NECAB2: variants seen among roughly 807,000 people sequenced by gnomAD.
NECAB2 encodes the protein N-terminal EF-hand calcium binding protein 2.
In NECAB2, 68 loss-of-function variants were observed where a neutral mutation model predicts 51.9. The ratio of observed to expected loss-of-function variants is 1.31; its 90% CI spans 1.08 to 1.60. The LOEUF is 1.60. Ranked by LOEUF, NECAB2 falls within the 40% of genes most tolerant of loss-of-function variation. NECAB2 has a pLI of 0.00. For synonymous variants in NECAB2, 329 were observed against 203.5 expected (o/e 1.62, Z -5.25); for missense variants, 854 against 490.3 (o/e 1.74, Z -7.00).
chr16:83,984,287 G>T (rs546555543), intron 5 of NECAB2, among the ~76,000 whole-genome samples: 2 of 151,640 alleles, frequency 1.3e-5, no homozygotes, highest in Non-Finnish European at 1.5e-5. Context: ...GAGCCACCGC[G>T]CCCGGCGGAA....
At chr16:83,965,622 T>C (rs2084269637), upstream of NECAB2, 3 of 1,613,084 alleles carry the variant, frequency 1.9e-6, no homozygotes, top group South Asian at 1.1e-5. Context: ...CAGTCCATCC[T>C]GTCGCCCAGC....
chr16:83,989,487 C>T (rs2084595058), intron 5 of NECAB2, among the ~76,000 whole-genome samples: 1 of 152,150 alleles, frequency 6.6e-6, no homozygotes, highest in Non-Finnish European at 1.5e-5. Context: ...AATTTGCTTT[C>T]CTTGAGAGCC....
intron 8 of NECAB2, among the ~76,000 whole-genome samples, chr16:83,995,400 C>G (rs9938157): frequency 6.6e-6 from 1 of 151,990 alleles, no homozygotes; most frequent in Non-Finnish European, 1.5e-5. Context: ...AAGAAAATAA[C>G]CTGGAGCATG....
In NECAB2 at chr16:83,968,419, GCC is replaced by G. The variant is rs979284473; in HGVS notation, c.-227_-226del. On this transcript the variant is annotated 5_prime_UTR_variant, in exon 1 of 13. Transcript: ENST00000305202. ...CCTCGCCCCGGCGGGCAGTCCTCAG[GCC>G]CCGCGCCCGGCCGGCGGGGGTGGGG... Among the ~76,000 whole-genome samples, 50 of 148,544 alleles carry G rather than the reference GCC, an allele frequency of 3.4e-4. No individual in the cohort carries two copies. The East Asian group carries it at 9.0e-3, about 27-fold the overall frequency.
At chr16:83,972,024 G>C in intron 1 of NECAB2, 127 bp from the exon 2 acceptor site, 1 of 1,280,336 alleles carries the variant, frequency 7.8e-7, no homozygotes, top group African/African-American at 1.5e-5. Flanking sequence ...GAGGGAAGGG[G>C]GGCTCAGCTT....
At chr16:83,988,686 G>A (rs990441203) in intron 5 of NECAB2, among the ~76,000 whole-genome samples, 1 of 152,154 alleles carries the variant, frequency 6.6e-6, no homozygotes, top group African/African-American at 2.4e-5. Flanking sequence ...TGCTCATCTG[G>A]TAAAATTTCA....
At chr16:83,974,853 TGA>T (rs1191327684) in intron 2 of NECAB2, among the ~76,000 whole-genome samples, 1 of 151,362 alleles carries the variant, frequency 6.6e-6, no homozygotes, top group Non-Finnish European at 1.5e-5. Context: ...GATCCAAGAA[TGA>T]GAGCAGGTGT....
At chr16:83,974,362 A>G (rs2084381765) in intron 2 of NECAB2, among the ~76,000 whole-genome samples, 1 of 152,178 alleles carries the variant, frequency 6.6e-6, no homozygotes, top group Non-Finnish European at 1.5e-5. Context: ...GTCTGAGGAT[A>G]GATAGTTGCT....
At chr16:83,967,260 G>A (rs2151081362), upstream of NECAB2, among the ~76,000 whole-genome samples, 1 of 152,050 alleles carries the variant, frequency 6.6e-6, no homozygotes, top group South Asian at 2.1e-4. Flanking sequence ...GGAGCTCTGG[G>A]AGACCAAGTA....
intron 9 of NECAB2, 129 bp downstream of exon 9, chr16:83,997,398 C>A: frequency 1.6e-6 from 2 of 1,227,254 alleles, no homozygotes; most frequent in Non-Finnish European, 2.3e-6. Context: ...GAGATGTCGC[C>A]CAGCGCTTGG....
chr16:83,986,261 C>A (rs1485763475), intron 5 of NECAB2, among the ~76,000 whole-genome samples: 3 of 152,204 alleles, frequency 2.0e-5, no homozygotes, highest in Admixed American at 6.5e-5. Context: ...AGGTGTTCCA[C>A]CCGCCTCAGT....
upstream of NECAB2, among the ~76,000 whole-genome samples, chr16:83,967,152 A>G (rs1253795122): frequency 6.6e-6 from 1 of 152,176 alleles, no homozygotes; most frequent in African/African-American, 2.4e-5. Flanking sequence ...TATCACAGGC[A>G]TGAGCCACCA....
At chr16:84,000,173 A>AT (rs2084799163) in intron 10 of NECAB2, among the ~76,000 whole-genome samples, 1 of 152,082 alleles carries the variant, frequency 6.6e-6, no homozygotes, top group Non-Finnish European at 1.5e-5. Flanking sequence ...AAGTTCTGCG[A>AT]TTACAGGCGT....
intron 1 of NECAB2, chr16:83,971,412 C>T (rs2084345713): frequency 6.6e-6 from 1 of 152,198 alleles, no homozygotes; most frequent in Non-Finnish European, 1.5e-5. Flanking sequence ...TGCCTTCGAG[C>T]CTCAGCCTGG....
In NECAB2 at chr16:83,984,937, C is replaced by T. The variant is rs193268170; in HGVS notation, c.459+3810C>T. Among the ~76,000 whole-genome samples the T allele has an allele frequency of 1.8e-3, 270 of 152,116 alleles. 1 individual carries two copies. The highest frequency in any genetic ancestry group is 6.5e-3 in the African/African-American group (268 of 41,500). On this transcript the variant is annotated intron_variant, in intron 5 of 12. Transcript: ENST00000305202. ...CATTATTATTTCCTCCCTCTTATAA[C>T]TTTAGGTTTGTTGTTTTTGCTGTTC...
chr16:83,972,430 A>G lies in NECAB2; in HGVS notation c.226+255A>G, dbSNP rs180844139. On this transcript the variant is annotated intron_variant, in intron 2 of 12. Coordinates refer to ENST00000305202, the MANE Select transcript of NECAB2 (RefSeq NM_019065.3). ...TCAGTGAGTCTTGTCTGTGATGCCA[A>G]GAACAATGACTGGCCGTGGTAAGGG... Among the ~76,000 whole-genome samples the G allele has an allele frequency of 1.8e-4, 28 of 152,350 alleles. No homozygotes were observed. The South Asian group carries it at 2.7e-3, about 15-fold the overall frequency.
rs148365591 is a variant in NECAB2 at position 83,994,449 on chromosome 16, G to A, written c.715+29G>A. Reference sequence around the variant, plus strand: ...AGAGAAAGCGGGGGCCCTGGTGGGGGTACCAGCTGGGGGTCCCGAGGAGTT... The same window carrying A: ...AGAGAAAGCGGGGGCCCTGGTGGGGATACCAGCTGGGGGTCCCGAGGAGTT... On this transcript the variant is annotated intron_variant, in intron 7 of 12. Transcript: ENST00000305202. 1,349 of 1,610,532 alleles carry A rather than the reference G, an allele frequency of 8.4e-4. 9 individuals are homozygous for A. In the African/African-American group the frequency reaches 0.015, roughly 18 times the overall value.
chr16:83,972,303 TAGA>T, intron 2 of NECAB2, 128 bp downstream of exon 2: 1 of 1,337,886 alleles, frequency 7.5e-7, no homozygotes, highest in African/African-American at 1.5e-5. Flanking sequence ...GGTCTGAAGT[TAGA>T]AGGCCAAATC....
intron 8 of NECAB2, among the ~76,000 whole-genome samples, chr16:83,996,309 C>T (rs1049217087): frequency 6.6e-6 from 1 of 152,228 alleles, no homozygotes; most frequent in Non-Finnish European, 1.5e-5. Context: ...CGTGTTCATG[C>T]TGTGTGCCCC....
Sources: gnomAD v4.1 joint callset for allele counts (sites outside exome capture counted in the v4.1 genomes callset) on GRCh38, gnomAD v4.1.1 for gene constraint, MANE v1.5 for transcripts, NCBI Gene and HGNC (gene_info 2026-07-23, HGNC 2026-07-21) for gene names.